The following ABCB1 variants were observed in gnomAD, a reference collection of about 807,000 sequenced individuals.
The protein encoded by ABCB1 is ATP-dependent translocase ABCB1.
ABCB1 carries 69 observed loss-of-function variants against 142.0 expected under a neutral mutation model. That is an observed-to-expected ratio of 0.49 (90% CI 0.40 to 0.59). The LOEUF is 0.59. ABCB1 is among the 20% of genes least tolerant of loss of function. ABCB1 has a pLI of 0.00. For synonymous variants in ABCB1, 532 were observed against 539.2 expected (o/e 0.99, Z 0.18); for missense variants, 1,326 against 1,554.7 (o/e 0.85, Z 2.47).
rs959797753 is a variant in ABCB1, at chr7:87,644,177, G to A, written c.-330-43099C>T. On this transcript the variant is annotated intron_variant, in intron 1 of 28. Coordinates refer to the ABCB1 transcript ENST00000265724. The stretch of plus-strand genomic sequence containing the variant: ...CCCAGACCTGCAAATTGTTGATTCT[G>A]AAAAATTCTCTGTGTTTCTGATGTA... Among the ~76,000 whole-genome samples, 14 of 152,320 alleles carry A rather than the reference G, an allele frequency of 9.2e-5. No individual in the cohort carries two copies. In the South Asian group the frequency reaches 2.7e-3, roughly 29 times the overall value.
At chr7:87,528,594 A>G (rs1815900207) in intron 21 of ABCB1, among the ~76,000 whole-genome samples, 1 of 152,184 alleles carries the variant, frequency 6.6e-6, no homozygotes, top group Admixed American at 6.5e-5. Flanking sequence ...CTAGTCCACA[A>G]TAATGTGCTG....
intron 8 of ABCB1, among the ~76,000 whole-genome samples, chr7:87,556,478 A>T (rs765208045): frequency 6.6e-6 from 1 of 152,188 alleles, no homozygotes; most frequent in Non-Finnish European, 1.5e-5. Flanking sequence ...CCAGATTAAG[A>T]CCTCAATTAC....
intron 21 of ABCB1, among the ~76,000 whole-genome samples, chr7:87,528,944 C>T (rs1815914906): frequency 6.6e-6 from 1 of 152,162 alleles, no homozygotes; most frequent in South Asian, 2.1e-4. Flanking sequence ...GCATAAGAGA[C>T]TGTGATGCCA....
At chr7:87,695,995 C>T (rs780039940) in intron 1 of ABCB1, among the ~76,000 whole-genome samples, 2 of 152,016 alleles carry the variant, frequency 1.3e-5, no homozygotes, top group South Asian at 4.1e-4. Context: ...AACAGATTGT[C>T]TTTTAGTCTA....
At chr7:87,559,657 C>G (rs911032527) in intron 8 of ABCB1, among the ~76,000 whole-genome samples, 1 of 151,816 alleles carries the variant, frequency 6.6e-6, no homozygotes, top group Non-Finnish European at 1.5e-5. Context: ...TTTCTTCTAC[C>G]AGATACTCTG....
At position 87,544,125 on chromosome 7, in the gene ABCB1, T is replaced by C; in HGVS notation, c.2211+4A>G. ...TAAATCACACAAATGGGCATCACAC[T>C]TACCCCTATAATCTTTGAAAATATT... On this transcript the variant is annotated splice_donor_region_variant and intron_variant, in intron 17 of 27. Transcript: ENST00000622132. 6.2e-7 allele frequency: 1 copy of C among 1,613,858 alleles called. No homozygotes were observed. The highest frequency in any genetic ancestry group is 8.5e-7 in the Non-Finnish European group (1 of 1,179,840).
At chr7:87,629,574 A>G (rs567837328) in intron 1 of ABCB1, among the ~76,000 whole-genome samples, 5 of 152,294 alleles carry the variant, frequency 3.3e-5, no homozygotes, top group African/African-American at 1.2e-4. Context: ...GCCTTTCCTT[A>G]ATGCTTTATA....
intron 6 of ABCB1, 41 bp downstream of exon 6, chr7:87,566,744 T>C: frequency 1.9e-6 from 3 of 1,586,962 alleles, no homozygotes. Flanking sequence ...TTACTAAGGA[T>C]AAGAACGACA....
At chr7:87,669,307 T>A (rs572365703) in intron 1 of ABCB1, among the ~76,000 whole-genome samples, 2 of 152,214 alleles carry the variant, frequency 1.3e-5, no homozygotes, top group Non-Finnish European at 2.9e-5. Context: ...CCCTTCTTTT[T>A]TCTGTTTTCC....
chr7:87,504,792 G>C (rs1213053557), intron 27 of ABCB1, among the ~76,000 whole-genome samples: 1 of 144,504 alleles, frequency 6.9e-6, no homozygotes, highest in Admixed American at 6.9e-5. Context: ...GCGACAGAGC[G>C]AGACTCCATC....
At chr7:87,580,110 G>C (rs1818448125) in intron 4 of ABCB1, among the ~76,000 whole-genome samples, 1 of 152,052 alleles carries the variant, frequency 6.6e-6, no homozygotes, top group Non-Finnish European at 1.5e-5. Context: ...GTAATATTCT[G>C]TGTTTTTCTG....
intron 25 of ABCB1, among the ~76,000 whole-genome samples, chr7:87,513,983 A>G (rs1815125592): frequency 6.6e-6 from 1 of 152,246 alleles, no homozygotes; most frequent in African/African-American, 2.4e-5. Context: ...GAAGGACACA[A>G]TCAGAGTTCA....
chr7:87,569,692 G>A lies in ABCB1; in HGVS notation c.338+480C>T, dbSNP rs193293386. ...AATTATTCTGTCTCTCTCTTTTTTT[G>A]TGGGGGGGTGTGGGGGACAGGGTCC... On this transcript the variant is annotated intron_variant, in intron 5 of 27. Coordinates refer to ENST00000622132, the MANE Select transcript of ABCB1 (RefSeq NM_001348946.2). 1.5e-4 allele frequency among the ~76,000 whole-genome samples: 23 copies of A among 151,702 alleles called. 1 individual carries two copies. In the East Asian group the frequency reaches 3.9e-3, roughly 26 times the overall value.
At chr7:87,662,264 C>T (rs1222629339) in intron 1 of ABCB1, among the ~76,000 whole-genome samples, 1 of 152,094 alleles carries the variant, frequency 6.6e-6, no homozygotes, top group African/African-American at 2.4e-5. Context: ...GATGTGATCT[C>T]ACTTGTCCGT....
At chr7:87,565,984 T>A (rs746097386) in intron 7 of ABCB1, 86 bp downstream of exon 7, 1 of 1,419,106 alleles carries the variant, frequency 7.0e-7, no homozygotes, top group Non-Finnish European at 9.9e-7. Flanking sequence ...ATCAGAGTCA[T>A]CATGTAGTAA....
chr7:87,645,784 T>C (rs942840869), intron 1 of ABCB1, among the ~76,000 whole-genome samples: 3 of 152,214 alleles, frequency 2.0e-5, no homozygotes, highest in African/African-American at 7.2e-5. Flanking sequence ...CATATACTCA[T>C]GACTAGCTAT....
At chr7:87,571,830 G>A (rs1288604195) in intron 4 of ABCB1, among the ~76,000 whole-genome samples, 1 of 152,152 alleles carries the variant, frequency 6.6e-6, no homozygotes, top group Non-Finnish European at 1.5e-5. Context: ...TGTGCTAGAG[G>A]CCATAGCTAA....
chr7:87,649,967 A>G (rs1823413146), intron 1 of ABCB1, among the ~76,000 whole-genome samples: 1 of 152,188 alleles, frequency 6.6e-6, no homozygotes, highest in Non-Finnish European at 1.5e-5. Flanking sequence ...CCAGCCATGT[A>G]GAACAGTGAG....
At chr7:87,512,388 T>C (rs1254093766) in intron 25 of ABCB1, among the ~76,000 whole-genome samples, 1 of 152,122 alleles carries the variant, frequency 6.6e-6, no homozygotes, top group African/African-American at 2.4e-5. Flanking sequence ...CCTCGGAATA[T>C]TATAAAAATA....
Sources: gnomAD v4.1 joint callset for allele counts (sites outside exome capture counted in the v4.1 genomes callset) on GRCh38, gnomAD v4.1.1 for gene constraint, MANE v1.5 for transcripts, NCBI Gene and HGNC (gene_info 2026-07-23, HGNC 2026-07-21) for gene names.